The following FBXO9 variants were observed in gnomAD, a reference collection of about 807,000 sequenced individuals.
FBXO9 encodes F-box protein 9.
In FBXO9, 43 loss-of-function variants were observed where a neutral mutation model predicts 63.7. The ratio of observed to expected loss-of-function variants is 0.67; its 90% CI spans 0.53 to 0.87. The LOEUF is 0.87. Among genes scored for constraint, FBXO9 ranks in the 40% least tolerant of loss-of-function variants. The probability of loss-of-function intolerance (pLI) is 0.00; values close to 1 mark genes in which losing one functional copy is unlikely to be tolerated. For synonymous variants in FBXO9, 156 were observed against 171.7 expected (o/e 0.91, Z 0.72); for missense variants, 442 against 533.2 (o/e 0.83, Z 1.68).
rs775906236 is a variant in FBXO9, at chr6:53,073,614, A to G, written c.224A>G (p.Lys75Arg). ...LQKTSADTKGKQEQAKEEKAR... is the reference protein window; with the variant it reads ...LQKTSADTKGRQEQAKEEKAR... ...AAAACATCGGCAGATACCAAAGGAA[A>G]ACAAGAACAGGCAAAAGAAGAAAAG... Residue 75 changes from lysine (K) to arginine (R), a missense_variant, in exon 3 of 13, where the codon AAA becomes AGA. This residue lies in a region of FBXO9 where 180 missense variants were observed against 171.1 expected (regional missense o/e 1.05). Transcript: ENST00000323557. 7 of 1,602,002 alleles carry G rather than the reference A, an allele frequency of 4.4e-6. No homozygotes were observed. In the Admixed American group the frequency reaches 1.2e-4, roughly 28 times the overall value.
chr6:53,079,521 ATTGG>A lies in FBXO9; in HGVS notation c.407+626_407+629del, dbSNP rs200378051. On this transcript the variant is annotated intron_variant, in intron 5 of 12. Transcript: ENST00000323557. ...CACTGCATCAAAGCCATGAAGTAGC[ATTGG>A]TTTTATATGGATAAAGATCAAGAAA... Among the ~76,000 whole-genome samples the A allele has an allele frequency of 6.0e-3, 910 of 152,310 alleles. 6 individuals are homozygous for A. Among genetic ancestry groups the A allele is most frequent in the African/African-American group, 0.019 (779 of 41,574 alleles).
chr6:53,074,506 C>T (rs1228997901), intron 3 of FBXO9, among the ~76,000 whole-genome samples: 7 of 152,202 alleles, frequency 4.6e-5, no homozygotes, highest in Non-Finnish European at 1.0e-4. Flanking sequence ...TTTACAAGCA[C>T]TTGTCTGTGT....
In FBXO9 at chr6:53,097,851, A is replaced by C. The variant is rs764608408; in HGVS notation, c.*21A>C. On this transcript the variant is annotated 3_prime_UTR_variant, in exon 13 of 13. Transcript: ENST00000323557. ...TGTAGAGCCTCAAGTCCAGTCCTCT[A>C]TCACTTTTGCATGAATTAAAGTATA... The C allele has an allele frequency of 9.4e-6, 14 of 1,488,356 alleles. No individual in the cohort carries two copies. The East Asian group carries it at 2.9e-4, about 31-fold the overall frequency. The allele number at this position is 1,488,356 out of a possible 1,614,324, so 92.2% of individuals were successfully genotyped here. A position where few individuals can be genotyped will look rare whatever the true frequency, so the allele number is the denominator to read the frequency against.
intron 3 of FBXO9, among the ~76,000 whole-genome samples, chr6:53,075,737 ATTTTTT>A (rs1203980167): frequency 2.9e-5 from 3 of 102,934 alleles, no homozygotes; most frequent in Non-Finnish European, 5.4e-5. Context: ...ATATATAATT[ATTTTTT>A]TTTTTTTTTT....
At chr6:53,076,595 T>C (rs1377347889) in intron 4 of FBXO9, 52 bp downstream of exon 4, 7 of 1,269,962 alleles carry the variant, frequency 5.5e-6, no homozygotes, top group African/African-American at 1.6e-5. Flanking sequence ...ATAATGACTC[T>C]GTTATTAACC....
intron 3 of FBXO9, among the ~76,000 whole-genome samples, chr6:53,074,193 A>G (rs1259462533): frequency 4.0e-5 from 6 of 149,472 alleles, no homozygotes; most frequent in Admixed American, 2.7e-4. Context: ...ACTTACTCAC[A>G]CAGAGTAGGC....
intron 7 of FBXO9, among the ~76,000 whole-genome samples, chr6:53,083,097 A>G (rs1161546284): frequency 6.6e-6 from 1 of 152,204 alleles, no homozygotes; most frequent in East Asian, 1.9e-4. Context: ...TGTGCAGAAG[A>G]TGGAAACTGG....
Position 53,078,855 on chromosome 6 carries a change from A to G in FBXO9, c.364A>G (p.Thr122Ala), listed in dbSNP as rs1769208645. The G allele has an allele frequency of 6.2e-7, 1 of 1,613,936 alleles. No individual in the cohort carries two copies. Among genetic ancestry groups the G allele is most frequent in the East Asian group, 2.2e-5 (1 of 44,866 alleles). ...QLVPDIEFKITYTRSPDGDGV... is the reference protein window; with the variant it reads ...QLVPDIEFKIAYTRSPDGDGV... ...TGTACCTGATATAGAGTTCAAGATT[A>G]CTTATACCCGGTCTCCAGATGGTGA... The change falls in exon 5 of 13, where the codon ACT becomes GCT. Residue 122 changes from threonine to alanine, a missense_variant. By Grantham distance (58) the Thr-to-Ala change is moderately conservative. Transcript: ENST00000323557.
intron 3 of FBXO9, among the ~76,000 whole-genome samples, chr6:53,075,953 A>G (rs965686743): frequency 4.0e-5 from 6 of 151,814 alleles, no homozygotes; most frequent in African/African-American, 1.5e-4. Context: ...CTTGTTGGCC[A>G]GGCCAGTGTC....
chr6:53,070,022 T>C (rs1288227983), intron 1 of FBXO9, among the ~76,000 whole-genome samples: 1 of 139,022 alleles, frequency 7.2e-6, no homozygotes, highest in Non-Finnish European at 1.5e-5. Flanking sequence ...TTTTCCTTTT[T>C]TTTTTTTTTT....
At chr6:53,091,521 A>G (rs946318915) in intron 7 of FBXO9, 1 of 152,122 alleles carries the variant, frequency 6.6e-6, no homozygotes, top group Non-Finnish European at 1.5e-5. Context: ...GGCACCCACC[A>G]CCATGCACAG....
intron 7 of FBXO9, among the ~76,000 whole-genome samples, chr6:53,083,000 T>C (rs1159830635): frequency 6.6e-6 from 1 of 152,184 alleles, no homozygotes; most frequent in African/African-American, 2.4e-5. Context: ...TTATGGCTCA[T>C]TAAAAGTTAT....
At chr6:53,079,871 C>T (rs542566989) in intron 5 of FBXO9, among the ~76,000 whole-genome samples, 29 of 152,082 alleles carry the variant, frequency 1.9e-4, no homozygotes, top group Non-Finnish European at 3.7e-4. Context: ...ACATTCCCAA[C>T]AAGGTCAATA....
intron 7 of FBXO9, among the ~76,000 whole-genome samples, chr6:53,083,495 A>C (rs1236765026): frequency 6.6e-6 from 1 of 152,242 alleles, no homozygotes; most frequent in African/African-American, 2.4e-5. Context: ...TCAGGGAAAC[A>C]AAAGTTTTTA....
chr6:53,072,714 GTGC>G (rs1768964195), intron 2 of FBXO9, among the ~76,000 whole-genome samples: 1 of 151,894 alleles, frequency 6.6e-6, no homozygotes, highest in African/African-American at 2.4e-5. Flanking sequence ...CACTTTTTAT[GTGC>G]TTTTAATTTT....
chr6:53,093,390 A>G, intron 9 of FBXO9, 76 bp from the exon 10 acceptor site: 1 of 930,718 alleles, frequency 1.1e-6, no homozygotes, highest in Non-Finnish European at 1.7e-6. Flanking sequence ...GAATAGGCAT[A>G]GGTACTAATA....
intron 1 of FBXO9, among the ~76,000 whole-genome samples, chr6:53,069,235 T>C (rs550224691): frequency 1.7e-4 from 26 of 152,364 alleles, no homozygotes; most frequent in African/African-American, 6.0e-4. Flanking sequence ...TGGATTTGTT[T>C]ATTCTACAGT....
intron 1 of FBXO9, among the ~76,000 whole-genome samples, chr6:53,069,801 A>G (rs1243055576): frequency 1.3e-5 from 2 of 152,122 alleles, no homozygotes; most frequent in South Asian, 2.1e-4. Flanking sequence ...TACATATGAC[A>G]TCTTGAGAAA....
chr6:53,073,366 A>G (rs1768982275), intron 2 of FBXO9, 115 bp from the exon 3 acceptor site: 3 of 619,292 alleles, frequency 4.8e-6, no homozygotes, highest in Non-Finnish European at 7.7e-6. Context: ...TGATTTCTGG[A>G]CTTAGAGTAA....
Sources: allele counts gnomAD v4.1 joint callset (sites outside exome capture counted in the v4.1 genomes callset), GRCh38; gene constraint gnomAD v4.1.1; regional missense constraint gnomAD v4.1.1; transcripts MANE v1.5; gene names NCBI Gene and HGNC (gene_info 2026-07-23, HGNC 2026-07-21).